ZFHX3: variants seen among roughly 807,000 people sequenced by gnomAD.
The protein encoded by ZFHX3 is zinc finger homeobox protein 3.
A neutral mutation model predicts 279.1 loss-of-function variants in ZFHX3; 42 were observed. The observed-to-expected ratio is 0.15, with a 90% CI of 0.12 to 0.19. ZFHX3 has a LOEUF of 0.19. Ranked by LOEUF, ZFHX3 falls within the 10% of genes least tolerant of loss-of-function variation. ZFHX3 has a pLI of 1.00. For missense variants in ZFHX3, 4,981 were observed against 4,754.0 expected (o/e 1.05, Z -1.40); for synonymous variants, 2,293 against 1,957.8 (o/e 1.17, Z -4.52).
intron 2 of ZFHX3, among the ~76,000 whole-genome samples, chr16:73,512,947 C>A (rs2019458454): frequency 6.6e-6 from 1 of 152,190 alleles, no homozygotes. Context: ...CCATCGGTGG[C>A]TGACCTCTGT....
rs2035889574 is a variant in ZFHX3, at chr16:72,796,057, A to G, written c.6625T>C (p.Tyr2209His). ...GTGATAGGAGGATTACTGAAGTTGT[A>G]AGGGGAGTCCTTGTTACGCTGCCTC... ...KERQRNKDSP[Y>H]NFSNPPITSL... The change falls in exon 9 of 10, where the codon TAC becomes CAC. Residue 2209 changes from tyrosine to histidine, a missense_variant. Tyr to His is a moderately conservative substitution (Grantham distance 83). Coordinates refer to ENST00000268489, the MANE Select transcript of ZFHX3 (RefSeq NM_006885.4). 1 of 1,614,014 alleles carries G rather than the reference A, an allele frequency of 6.2e-7. No homozygotes were observed. Among genetic ancestry groups the G allele is most frequent in the African/African-American group, 1.3e-5 (1 of 74,908 alleles).
intron 3 of ZFHX3, among the ~76,000 whole-genome samples, chr16:73,356,558 G>T (rs2016344443): frequency 6.6e-6 from 1 of 151,968 alleles, no homozygotes; most frequent in African/African-American, 2.4e-5. Flanking sequence ...CTCTGCACCA[G>T]ATCATCCAGT....
chr16:73,432,587 A>G (rs1398514281), intron 3 of ZFHX3, among the ~76,000 whole-genome samples: 1 of 152,158 alleles, frequency 6.6e-6, no homozygotes, highest in East Asian at 1.9e-4. Flanking sequence ...TGTTTCCCAT[A>G]TGCAAGAGCT....
At chr16:73,204,096 G>C (rs1267714135) in intron 5 of ZFHX3, among the ~76,000 whole-genome samples, 1 of 151,896 alleles carries the variant, frequency 6.6e-6, no homozygotes, top group Non-Finnish European at 1.5e-5. Flanking sequence ...AGGAAAGAAA[G>C]ACAATTGAGG....
At chr16:73,135,612 A>G (rs1200818218) in intron 6 of ZFHX3, among the ~76,000 whole-genome samples, 1 of 152,176 alleles carries the variant, frequency 6.6e-6, no homozygotes, top group Non-Finnish European at 1.5e-5. Context: ...AAGTCTTTTC[A>G]CATACCAAAG....
At chr16:73,086,336 G>T (rs1966011535) in intron 8 of ZFHX3, among the ~76,000 whole-genome samples, 1 of 152,194 alleles carries the variant, frequency 6.6e-6, no homozygotes, top group South Asian at 2.1e-4. Context: ...ACTACCATAT[G>T]ATCTGACAGT....
chr16:73,476,409 G>C lies in ZFHX3; in HGVS notation c.-1546-20151C>G, dbSNP rs143758675. On this transcript the variant is annotated intron_variant, in intron 2 of 17. Coordinates refer to the ZFHX3 transcript ENST00000641206. ...TGATTTACAAAGAAACTCTTCAAAG[G>C]TGCAAACTCTTGAAAAACTCCATTG... 2.7e-3 allele frequency among the ~76,000 whole-genome samples: 418 copies of C among 152,188 alleles called. 1 individual carries two copies. Among genetic ancestry groups the C allele is most frequent in the African/African-American group, 9.6e-3 (398 of 41,532 alleles).
At chr16:73,672,883 G>A (rs905057415) in intron 2 of ZFHX3, among the ~76,000 whole-genome samples, 2 of 152,058 alleles carry the variant, frequency 1.3e-5, no homozygotes, top group East Asian at 1.9e-4. Flanking sequence ...ATTTTTATTA[G>A]ATAGATTGTT....
chr16:73,584,702 C>T (rs950224921), intron 2 of ZFHX3, among the ~76,000 whole-genome samples: 1 of 152,070 alleles, frequency 6.6e-6, no homozygotes, highest in African/African-American at 2.4e-5. Context: ...GATGAAATCG[C>T]CAAAAGCAAT....
In ZFHX3 at chr16:73,622,846, G is replaced by A. The variant is rs140698665; in HGVS notation, c.-1547+57334C>T. Among the ~76,000 whole-genome samples, 32 of 152,212 alleles carry A rather than the reference G, an allele frequency of 2.1e-4. No homozygotes were observed. The East Asian group carries it at 4.8e-3, about 23-fold the overall frequency. On this transcript the variant is annotated intron_variant, in intron 2 of 17. Transcript: ENST00000641206. The stretch of plus-strand genomic sequence containing the variant: ...TCTGCGAATTTCCCTAAAATAAACC[G>A]GAGAAATGTGAACATCTTTCCTGTC...
chr16:73,838,393 T>A (rs1341745413), intron 1 of ZFHX3, among the ~76,000 whole-genome samples: 2 of 152,210 alleles, frequency 1.3e-5, no homozygotes, highest in Admixed American at 1.3e-4. Context: ...ATGGGTGAAT[T>A]GATGAGAAAA....
chr16:73,716,735 G>C (rs2053420004), intron 1 of ZFHX3, among the ~76,000 whole-genome samples: 1 of 151,932 alleles, frequency 6.6e-6, no homozygotes, highest in African/African-American at 2.4e-5. Context: ...CAGAGTGATG[G>C]CTTCCCCTGT....
intron 1 of ZFHX3, among the ~76,000 whole-genome samples, chr16:73,835,399 C>G (rs1961112951): frequency 6.6e-6 from 1 of 151,540 alleles, no homozygotes; most frequent in African/African-American, 2.4e-5. Flanking sequence ...TTCCCCTTTC[C>G]CCACCTTTCC....
intron 1 of ZFHX3, among the ~76,000 whole-genome samples, chr16:72,997,251 G>A (rs1963330457): frequency 6.6e-6 from 1 of 152,174 alleles, no homozygotes; most frequent in Admixed American, 6.5e-5. Context: ...CATCCCACTG[G>A]AGAATTCAAT....
rs111993784 is a variant in ZFHX3 at position 73,658,358 on chromosome 16, C to T, written c.-1547+21822G>A. Among the ~76,000 whole-genome samples, 7 of 152,056 alleles carry T rather than the reference C, an allele frequency of 4.6e-5. No individual in the cohort carries two copies. In the East Asian group the frequency reaches 5.8e-4, roughly 13 times the overall value. On this transcript the variant is annotated intron_variant, in intron 2 of 17. Transcript: ENST00000641206. ...TCTCGCTCTGTCACCCAGACTGGAG[C>T]GCAGTGGCACCAACTCAGCTCACCA... is the stretch of plus-strand genomic sequence containing the variant.
chr16:73,036,423 G>C (rs1964908348), intron 1 of ZFHX3, among the ~76,000 whole-genome samples: 1 of 152,142 alleles, frequency 6.6e-6, no homozygotes, highest in Admixed American at 6.6e-5. Flanking sequence ...CTTTGTGGGG[G>C]GAAAAGGAGT....
intron 1 of ZFHX3, among the ~76,000 whole-genome samples, chr16:73,780,009 T>C (rs572409647): frequency 0.025 from 3,686 of 149,176 alleles, 66 homozygotes; most frequent in Non-Finnish European, 0.04. Context: ...TCTAAGACTT[T>C]TTTTTCTCTC....
At chr16:73,647,349 G>A (rs535847012) in intron 2 of ZFHX3, among the ~76,000 whole-genome samples, 1 of 152,204 alleles carries the variant, frequency 6.6e-6, no homozygotes, top group Non-Finnish European at 1.5e-5. Context: ...TCTCATGGCA[G>A]ATTGGAGCAG....
chr16:73,552,059 A>G (rs2020211587), intron 2 of ZFHX3, among the ~76,000 whole-genome samples: 3 of 152,012 alleles, frequency 2.0e-5, no homozygotes. Flanking sequence ...GAGAGAGAGA[A>G]AGAGAGAGAA....
Sources: gnomAD v4.1 joint callset for allele counts (sites outside exome capture counted in the v4.1 genomes callset) on GRCh38, gnomAD v4.1.1 for gene constraint, MANE v1.5 for transcripts, NCBI Gene and HGNC (gene_info 2026-07-23, HGNC 2026-07-21) for gene names.